Variants in ARMCX4 observed in about 807,000 individuals in gnomAD.
The protein encoded by ARMCX4 is armadillo repeat containing X-linked 4, also known as armadillo repeat-containing X-linked protein 4.
In ARMCX4, 3 loss-of-function variants were observed where a neutral mutation model predicts 34.7. That is an observed-to-expected ratio of 0.09 (90% CI 0.04 to 0.22). The LOEUF (loss-of-function observed/expected upper bound fraction) is 0.22, where lower values mean the gene tolerates loss of function less well. Among genes scored for constraint, ARMCX4 ranks in the 10% least tolerant of loss-of-function variants. The pLI is 1.00. For synonymous variants in ARMCX4, 513 were observed against 632.8 expected (o/e 0.81, Z 2.84); for missense variants, 1,448 against 1,720.8 (o/e 0.84, Z 2.81).
intron 2 of ARMCX4, among the ~76,000 whole-genome samples, chrX:101,433,839 G>C (rs933871104): frequency 8.9e-6 from 1 of 111,898 alleles, no homozygotes; most frequent in Non-Finnish European, 1.9e-5. Context: ...TTGGGGCAGA[G>C]ACCATGGTGG....
intron 7 of ARMCX4, among the ~76,000 whole-genome samples, chrX:101,504,354 T>A (rs1327974488): frequency 9.0e-6 from 1 of 111,401 alleles, no homozygotes; most frequent in Non-Finnish European, 1.9e-5. Flanking sequence ...GGGGATGGCA[T>A]TGAATCTATA....
chrX:101,422,871 T>C (rs1252104467), intron 2 of ARMCX4, among the ~76,000 whole-genome samples: 3 of 111,554 alleles, frequency 2.7e-5, no homozygotes, highest in East Asian at 5.6e-4. Context: ...AAAGGTGATT[T>C]CATTACAATG....
At position 101,489,258 on chromosome X, in the gene ARMCX4, G is replaced by C; in HGVS notation, c.669G>C (p.Gly223=). 8.7e-7 allele frequency: 1 copy of C among 1,155,752 alleles called. No homozygotes were observed. The highest frequency in any genetic ancestry group is 1.9e-5 in the South Asian group (1 of 52,722). ...LAVPREVAKM[G]ATNKTGIVDE... ...TACCCAGGGAAGTGGCCAAGATGGGGGCCACGAACAAGACTGGAATTGTGG... is the reference window on the plus strand; with the variant it reads ...TACCCAGGGAAGTGGCCAAGATGGGCGCCACGAACAAGACTGGAATTGTGG... The change falls in exon 6 of 6, where the codon GGG becomes GGC. Residue 223 remains glycine, a synonymous_variant. Coordinates refer to ENST00000423738, the MANE Select transcript of ARMCX4 (RefSeq NM_001256155.3).
chrX:101,494,519 T>C lies in ARMCX4; in HGVS notation c.5930T>C (p.Ile1977Thr). ...KAKKSSESRG[I>T]YPYMVPGAGM... is the part of the protein sequence containing the mutation. ...AAAAAGTCATCTGAGTCAAGAGGCA[T>C]ATATCCGTACATGGTCCCTGGGGCA... The change falls in exon 6 of 6, where the codon ATA becomes ACA. Residue 1977 changes from isoleucine (I) to threonine (T), a missense_variant. Around this residue, in one of 2 missense-constraint regions of ARMCX4, gnomAD observed 1,343 missense variants for 1,540.7 expected, o/e 0.87. Coordinates refer to ENST00000423738, the MANE Select transcript of ARMCX4 (RefSeq NM_001256155.3). 3.5e-6 allele frequency: 4 copies of C among 1,155,411 alleles called. No homozygotes were observed. Among genetic ancestry groups the C allele is most frequent in the Middle Eastern group, 2.3e-4 (1 of 4,305 alleles).
downstream of ARMCX4, among the ~76,000 whole-genome samples, chrX:101,500,185 T>G (rs1321236597): frequency 1.8e-5 from 2 of 111,281 alleles, no homozygotes; most frequent in African/African-American, 6.5e-5. Context: ...GAGCCAAGTA[T>G]TAAGGGGGAT....
At chrX:101,436,609 C>T (rs1397615622) in intron 2 of ARMCX4, among the ~76,000 whole-genome samples, 2 of 111,542 alleles carry the variant, frequency 1.8e-5, no homozygotes, top group African/African-American at 6.5e-5. Flanking sequence ...ATTTGACTTC[C>T]TCTTTTCCTA....
chrX:101,432,861 CGT>C (rs1366782104), intron 2 of ARMCX4, among the ~76,000 whole-genome samples: 1 of 89,044 alleles, frequency 1.1e-5, no homozygotes, highest in African/African-American at 4.1e-5. Context: ...TATATATACA[CGT>C]ATATATACAC....
At chrX:101,497,699 A>G (rs1205525863), downstream of ARMCX4, among the ~76,000 whole-genome samples, 1 of 112,229 alleles carries the variant, frequency 8.9e-6, no homozygotes, top group Non-Finnish European at 1.9e-5. Context: ...TCACATATTT[A>G]TGCCTACATA....
chrX:101,450,631 C>T (rs368047235), downstream of ARMCX4, among the ~76,000 whole-genome samples: 15 of 112,070 alleles, frequency 1.3e-4, 3 homozygotes, highest in East Asian at 1.4e-3. Context: ...TTTTCTCAAA[C>T]AGAAGCAGTT....
chrX:101,500,000 C>T (rs143337493), downstream of ARMCX4, among the ~76,000 whole-genome samples: 252 of 112,109 alleles, frequency 2.2e-3, 1 homozygote, highest in East Asian at 8.1e-3. Context: ...GACCCTACAA[C>T]GCATGTGTAG....
downstream of ARMCX4, among the ~76,000 whole-genome samples, chrX:101,451,444 T>C (rs1858164054): frequency 8.9e-6 from 1 of 112,083 alleles, no homozygotes; most frequent in South Asian, 3.7e-4. Flanking sequence ...TGCCAGGAGA[T>C]GGGGGAAGGG....
chrX:101,456,193 G>A (rs1020146727), intron 4 of ARMCX4, among the ~76,000 whole-genome samples: 19 of 111,907 alleles, frequency 1.7e-4, no homozygotes, highest in African/African-American at 6.2e-4. Context: ...GTAATGGGGT[G>A]CTGAGTTAAA....
At chrX:101,449,193 A>G (rs1569321504), downstream of ARMCX4, among the ~76,000 whole-genome samples, 1 of 111,971 alleles carries the variant, frequency 8.9e-6, no homozygotes, top group Non-Finnish European at 1.9e-5. Flanking sequence ...GGCGTGAGCC[A>G]CCTCGCCTGG....
rs1343719055 is a variant in ARMCX4 at position 101,493,313 on chromosome X, G to A, written c.4724G>A (p.Gly1575Glu). Residue 1575 changes from glycine (G) to glutamate (E), a missense_variant, in exon 6 of 6, where the codon GGA becomes GAA. This residue lies in a region of ARMCX4 where 1,343 missense variants were observed against 1,540.7 expected (regional missense o/e 0.87). Coordinates refer to ENST00000423738, the MANE Select transcript of ARMCX4 (RefSeq NM_001256155.3). ...CAGGCTGGTGGTTGTTCCAAACCTG[G>A]ATTTGAGGATCAGGCCATTGGAGGG... ...VDQAGGCSKP[G>E]FEDQAIGGGF... The A allele has an allele frequency of 1.7e-6, 2 of 1,155,549 alleles. No homozygotes were observed. The highest frequency in any genetic ancestry group is 2.3e-6 in the Non-Finnish European group (2 of 872,763).
At position 101,442,776 on chromosome X, in the gene ARMCX4, C is replaced by T. The variant is rs1931379646; in HGVS notation, n.165-1276C>T. 2.7e-5 allele frequency among the ~76,000 whole-genome samples: 3 copies of T among 110,902 alleles called. No individual in the cohort carries two copies. The South Asian group carries it at 1.1e-3, about 42-fold the overall frequency. ...ATCATCCTGTCTCCAGGCCACTGTCCCCTGGCAAAGACACTGCTATGGTTT... is the reference window on the plus strand; with the variant it reads ...ATCATCCTGTCTCCAGGCCACTGTCTCCTGGCAAAGACACTGCTATGGTTT... On this transcript the variant is annotated intron_variant and non_coding_transcript_variant, in intron 2 of 3. Coordinates refer to the ARMCX4 transcript ENST00000430461.
intron 11 of ARMCX4, among the ~76,000 whole-genome samples, chrX:101,529,465 A>G (rs1556021510): frequency 8.9e-6 from 1 of 112,015 alleles, no homozygotes; most frequent in East Asian, 2.8e-4. Context: ...ATGGCAACAA[A>G]AGCCAAAATT....
chrX:101,489,458 G>A lies in ARMCX4; in HGVS notation c.869G>A (p.Gly290Asp). ...TCTCAGGCTGTGACCAAGATCCAGG[G>A]TGATGACATGCCTGGTACTGGGGTT... ...AQSQAVTKIQ[G>D]DDMPGTGVED... Residue 290 changes from glycine (G) to aspartate (D), a missense_variant, in exon 6 of 6, where the codon GGT becomes GAT. By Grantham distance (94) the Gly-to-Asp change is moderately conservative. This residue lies in a region of ARMCX4 where 1,343 missense variants were observed against 1,540.7 expected (regional missense o/e 0.87). Coordinates refer to ENST00000423738, the MANE Select transcript of ARMCX4 (RefSeq NM_001256155.3). 8.7e-7 allele frequency: 1 copy of A among 1,154,547 alleles called. No homozygotes were observed. Among genetic ancestry groups the A allele is most frequent in the South Asian group, 1.9e-5 (1 of 52,706 alleles).
intron 2 of ARMCX4, among the ~76,000 whole-genome samples, chrX:101,432,900 G>GTA (rs1483894428): frequency 8.3e-4 from 20 of 24,016 alleles, no homozygotes; most frequent in South Asian, 2.3e-3. Flanking sequence ...ATATATACGT[G>GTA]TATATACACA....
At chrX:101,517,349 C>A (rs781897748) in intron 11 of ARMCX4, among the ~76,000 whole-genome samples, 1 of 111,603 alleles carries the variant, frequency 9.0e-6, no homozygotes, top group Admixed American at 9.5e-5. Context: ...TTTTCTTTTT[C>A]TTTTTCTTAT....
Sources: allele counts gnomAD v4.1 joint callset (sites outside exome capture counted in the v4.1 genomes callset), GRCh38; gene constraint gnomAD v4.1.1; regional missense constraint gnomAD v4.1.1; transcripts MANE v1.5; gene names NCBI Gene and HGNC (gene_info 2026-07-23, HGNC 2026-07-21).